Variants in GLDC observed in about 807,000 individuals in gnomAD.
GLDC encodes glycine dehydrogenase (decarboxylating), mitochondrial.
A neutral mutation model predicts 121.3 loss-of-function variants in GLDC; 104 were observed. The ratio of observed to expected loss-of-function variants is 0.86; its 90% CI spans 0.73 to 1.01. The LOEUF (loss-of-function observed/expected upper bound fraction) is 1.01, where lower values mean the gene tolerates loss of function less well. Ranked by LOEUF, GLDC falls within the 50% of genes least tolerant of loss-of-function variation. GLDC has a pLI of 0.00. For synonymous variants in GLDC, 546 were observed against 480.6 expected (o/e 1.14, Z -1.78); for missense variants, 1,429 against 1,306.6 (o/e 1.09, Z -1.44).
At chr9:6,639,682 T>TATATATATATATATAG in intron 2 of GLDC, 1 of 251,276 alleles carries the variant, frequency 4.0e-6, no homozygotes. Context: ...TATATATATA[T>TATATATATATATATAG]ATATATGGAC....
chr9:6,629,958 T>TATATATATATATATG, intron 2 of GLDC, among the ~76,000 whole-genome samples: 5 of 78,644 alleles, frequency 6.4e-5, no homozygotes, highest in South Asian at 4.3e-4. Flanking sequence ...TATATATATA[T>TATATATATATATATG]TTTTTTTTTT....
chr9:6,620,172 G>T lies in GLDC; in HGVS notation c.470+12C>A. The T allele has an allele frequency of 6.2e-7, 1 of 1,611,654 alleles. No homozygotes were observed. Among genetic ancestry groups the T allele is most frequent in the Non-Finnish European group, 8.5e-7 (1 of 1,179,266 alleles). On this transcript the variant is annotated intron_variant, in intron 3 of 24. Coordinates refer to ENST00000321612, the MANE Select transcript of GLDC (RefSeq NM_000170.3). ...CACAGTCATCCTGTTCCTGAACTGA[G>T]AAATACATTACCATCCTGAGTTCTC... is the stretch of plus-strand genomic sequence containing the variant.
chr9:6,565,812 G>C (rs569871211), intron 15 of GLDC: 9 of 448,240 alleles, frequency 2.0e-5, no homozygotes, highest in African/African-American at 1.6e-4. Context: ...TTTGGTTTAC[G>C]GTCAATCTTG....
Position 6,602,374 on chromosome 9 carries a change from C to T in GLDC, c.1059-169G>A, listed in dbSNP as rs12683330. ...AACGTTCCTCATCTAAACATGATTA[C>T]TGATTTTTTTTTTTTTTTTTGAGAC... On this transcript the variant is annotated intron_variant, in intron 7 of 24. Coordinates refer to ENST00000321612, the MANE Select transcript of GLDC (RefSeq NM_000170.3). Among the ~76,000 whole-genome samples the T allele has an allele frequency of 0.21, 31,369 of 151,388 alleles. 3,723 individuals carry two copies. Among genetic ancestry groups the T allele is most frequent in the Admixed American group, 0.29 (4,331 of 15,194 alleles).
At chr9:6,624,405 T>G (rs1819188556) in intron 2 of GLDC, among the ~76,000 whole-genome samples, 1 of 152,180 alleles carries the variant, frequency 6.6e-6, no homozygotes, top group South Asian at 2.1e-4. Context: ...GCAAGAAGAA[T>G]GCCATGTGAT....
chr9:6,606,496 T>C, intron 5 of GLDC, 96 bp downstream of exon 5: 4 of 864,540 alleles, frequency 4.6e-6, no homozygotes, highest in Middle Eastern at 2.3e-4. Flanking sequence ...CTGTTTCAGA[T>C]TCACCTCCAA....
intron 8 of GLDC, among the ~76,000 whole-genome samples, chr9:6,599,720 C>CAAAAAAAAAAAAAA (rs549444099): frequency 1.7e-5 from 2 of 120,770 alleles, no homozygotes; most frequent in African/African-American, 6.7e-5. Flanking sequence ...GACTCCATCT[C>CAAAAAAAAAAAAAA]AAAAAAAAAA....
chr9:6,605,320 A>C, intron 5 of GLDC, 42 bp from the exon 6 acceptor site: 1 of 1,599,562 alleles, frequency 6.3e-7, no homozygotes, highest in Non-Finnish European at 8.6e-7. Flanking sequence ...CTTTCGGTTT[A>C]TAAGGGAAAA....
intron 2 of GLDC, 48 bp from the exon 3 acceptor site, chr9:6,620,367 G>A (rs929636463): frequency 1.3e-6 from 2 of 1,518,598 alleles, no homozygotes; most frequent in Non-Finnish European, 1.8e-6. Flanking sequence ...TCTCAGAAAA[G>A]AGCTCTAATT....
intron 8 of GLDC, among the ~76,000 whole-genome samples, chr9:6,596,248 G>C (rs1818492271): frequency 6.6e-6 from 1 of 152,164 alleles, no homozygotes; most frequent in African/African-American, 2.4e-5. Flanking sequence ...GTAGAGGTTG[G>C]TTCATGTCCC....
At chr9:6,597,306 T>C (rs1375272342) in intron 8 of GLDC, among the ~76,000 whole-genome samples, 2 of 152,216 alleles carry the variant, frequency 1.3e-5, no homozygotes, top group Non-Finnish European at 2.9e-5. Flanking sequence ...CTGGTGATAG[T>C]TGCACAACCT....
intron 8 of GLDC, among the ~76,000 whole-genome samples, chr9:6,597,939 A>C (rs1818523825): frequency 6.6e-6 from 1 of 152,210 alleles, no homozygotes. Context: ...TCTCCAAAAA[A>C]AAAAGAAATA....
intron 11 of GLDC, 88 bp downstream of exon 11, chr9:6,592,055 C>T (rs2129849807): frequency 1.2e-6 from 1 of 821,628 alleles, no homozygotes; most frequent in South Asian, 1.3e-5. Context: ...ACACTTGGGC[C>T]CCTTCTCCCT....
chr9:6,593,321 C>G lies in GLDC; in HGVS notation c.1262-331G>C, dbSNP rs181326444. 3.4e-5 allele frequency among the ~76,000 whole-genome samples: 5 copies of G among 148,966 alleles called. No homozygotes were observed. In the East Asian group the frequency reaches 9.7e-4, roughly 29 times the overall value. ...CCTTTTTTTTTTTGAGAGATACAGTCTCACTCTGTTGTCCAGGCTGGAATG... is the reference window on the plus strand; with the variant it reads ...CCTTTTTTTTTTTGAGAGATACAGTGTCACTCTGTTGTCCAGGCTGGAATG... On this transcript the variant is annotated intron_variant, in intron 9 of 24. Coordinates refer to ENST00000321612, the MANE Select transcript of GLDC (RefSeq NM_000170.3).
At chr9:6,542,652 G>A (rs1160482547) in intron 21 of GLDC, among the ~76,000 whole-genome samples, 6 of 152,066 alleles carry the variant, frequency 3.9e-5, no homozygotes, top group Non-Finnish European at 5.9e-5. Flanking sequence ...TCAGGAGACC[G>A]AGGCAGGAAG....
At chr9:6,548,184 A>G (rs1050401815) in intron 21 of GLDC, among the ~76,000 whole-genome samples, 1 of 152,234 alleles carries the variant, frequency 6.6e-6, no homozygotes, top group Non-Finnish European at 1.5e-5. Flanking sequence ...AAATACAGAA[A>G]ATATTAGTAA....
chr9:6,639,668 A>AAAAAATATAT, intron 2 of GLDC: 12 of 250,540 alleles, frequency 4.8e-5, no homozygotes, highest in East Asian at 1.1e-4. Flanking sequence ...ATAAAAAAAA[A>AAAAAATATAT]GTATATATAT....
intron 15 of GLDC, among the ~76,000 whole-genome samples, chr9:6,585,595 A>G (rs1159877658): frequency 6.6e-6 from 1 of 152,150 alleles, no homozygotes; most frequent in South Asian, 2.1e-4. Context: ...TACAAAGTAA[A>G]TGGCTTTGCT....
chr9:6,618,184 G>A (rs1291649763), intron 3 of GLDC, among the ~76,000 whole-genome samples: 4 of 152,158 alleles, frequency 2.6e-5, no homozygotes, highest in African/African-American at 9.7e-5. Context: ...TTCCTTTTAA[G>A]ACTAATTCAT....
Sources: allele counts gnomAD v4.1 joint callset (sites outside exome capture counted in the v4.1 genomes callset), GRCh38; gene constraint gnomAD v4.1.1; transcripts MANE v1.5; gene names NCBI Gene and HGNC (gene_info 2026-07-23, HGNC 2026-07-21).